Variants in PTPRT observed in about 807,000 individuals in gnomAD.
PTPRT encodes protein tyrosine phosphatase receptor type T, also known as receptor-type tyrosine-protein phosphatase T.
A neutral mutation model predicts 176.8 loss-of-function variants in PTPRT; 56 were observed. The ratio of observed to expected loss-of-function variants is 0.32; its 90% CI spans 0.26 to 0.40. The LOEUF (loss-of-function observed/expected upper bound fraction) is 0.40. PTPRT is among the 10% of genes least tolerant of loss of function. The pLI, the probability that PTPRT is intolerant of heterozygous loss-of-function variation, is 1.00. For synonymous variants in PTPRT, 783 were observed against 739.0 expected (o/e 1.06, Z -0.96); for missense variants, 1,540 against 1,908.2 (o/e 0.81, Z 3.60).
chr20:42,822,787 GA>G (rs1400060451), intron 2 of PTPRT, among the ~76,000 whole-genome samples: 1 of 151,986 alleles, frequency 6.6e-6, no homozygotes, highest in Non-Finnish European at 1.5e-5. Context: ...CAACAAACAT[GA>G]AAAAAAGCTC....
chr20:42,814,617 A>G (rs1207072953), intron 2 of PTPRT, among the ~76,000 whole-genome samples: 2 of 152,220 alleles, frequency 1.3e-5, no homozygotes, highest in Non-Finnish European at 2.9e-5. Flanking sequence ...AGCACATTCC[A>G]TTTATTTTAT....
chr20:42,280,205 T>A (rs577292451), intron 13 of PTPRT, among the ~76,000 whole-genome samples: 2 of 152,272 alleles, frequency 1.3e-5, no homozygotes, highest in Admixed American at 1.3e-4. Context: ...GACGGATTTA[T>A]AATAGATAGG....
chr20:42,403,729 T>A (rs1421253713), intron 9 of PTPRT, among the ~76,000 whole-genome samples: 2 of 152,160 alleles, frequency 1.3e-5, no homozygotes. Flanking sequence ...TGTGGGTCTC[T>A]GCTTTCTCAC....
At chr20:42,186,430 C>A (rs1001670767) in intron 16 of PTPRT, among the ~76,000 whole-genome samples, 4 of 151,606 alleles carry the variant, frequency 2.6e-5, no homozygotes, top group Non-Finnish European at 5.9e-5. Flanking sequence ...ACCACAGGAC[C>A]TTTGACCATG....
intron 1 of PTPRT, among the ~76,000 whole-genome samples, chr20:43,038,345 A>G (rs956511296): frequency 6.6e-6 from 1 of 152,258 alleles, no homozygotes; most frequent in Non-Finnish European, 1.5e-5. Flanking sequence ...TAATTACAAC[A>G]ATGGTTTAAT....
intron 29 of PTPRT, 76 bp downstream of exon 29, chr20:42,084,606 T>C: frequency 1.6e-6 from 2 of 1,272,080 alleles, no homozygotes; most frequent in Non-Finnish European, 2.0e-6. Context: ...GACTGGGGTA[T>C]GTGGCCAGCA....
chr20:42,767,876 T>C (rs59241194), intron 5 of PTPRT, among the ~76,000 whole-genome samples: 1 of 146,408 alleles, frequency 6.8e-6, no homozygotes, highest in Admixed American at 6.9e-5. Context: ...GTATAACATA[T>C]AATTATACAT....
chr20:42,915,814 G>A (rs370964407), intron 1 of PTPRT, among the ~76,000 whole-genome samples: 1 of 151,482 alleles, frequency 6.6e-6, no homozygotes, highest in East Asian at 1.9e-4. Context: ...GCCCAGGCTG[G>A]TCTTGAGCTC....
At chr20:42,736,873 A>T (rs1197289502) in intron 6 of PTPRT, among the ~76,000 whole-genome samples, 1 of 152,058 alleles carries the variant, frequency 6.6e-6, no homozygotes, top group African/African-American at 2.4e-5. Context: ...ACCTCATCAC[A>T]CTCTTGTCTG....
intron 1 of PTPRT, among the ~76,000 whole-genome samples, chr20:43,159,045 C>T (rs1334864108): frequency 6.6e-6 from 1 of 151,802 alleles, no homozygotes; most frequent in East Asian, 1.9e-4. Context: ...GAAGGTAATC[C>T]TAGGGGGCAC....
chr20:42,931,014 C>T (rs1438700098), intron 1 of PTPRT, among the ~76,000 whole-genome samples: 1 of 152,162 alleles, frequency 6.6e-6, no homozygotes, highest in African/African-American at 2.4e-5. Context: ...CCCTCAACCC[C>T]CTCCCCATCT....
rs1458214888 is a variant in PTPRT at position 42,516,456 on chromosome 20, C to T, written c.1154-43894G>A. ...TTTTCCCCCTTGTTTTTGTGAGATA[C>T]ATCATGTTGAATATGGCTACAGCTT... On this transcript the variant is annotated intron_variant, in intron 7 of 30. Transcript: ENST00000373187. Among the ~76,000 whole-genome samples the T allele has an allele frequency of 2.0e-5, 3 of 152,068 alleles. No homozygotes were observed. The East Asian group carries it at 5.8e-4, about 29-fold the overall frequency.
chr20:42,599,541 C>T (rs902944301), intron 7 of PTPRT, among the ~76,000 whole-genome samples: 1 of 152,178 alleles, frequency 6.6e-6, no homozygotes. Flanking sequence ...ACTGCATAGG[C>T]TAAGGAGCTC....
chr20:42,398,605 T>C (rs963884938), intron 9 of PTPRT, among the ~76,000 whole-genome samples: 1 of 152,172 alleles, frequency 6.6e-6, no homozygotes, highest in Non-Finnish European at 1.5e-5. Flanking sequence ...GAACAAAATC[T>C]CTTTGTATAT....
chr20:42,692,048 G>C (rs1211926234), intron 6 of PTPRT, among the ~76,000 whole-genome samples: 1 of 152,222 alleles, frequency 6.6e-6, no homozygotes, highest in African/African-American at 2.4e-5. Flanking sequence ...TAGAAAGCAA[G>C]TCTTTAGCTA....
At chr20:42,900,150 G>A (rs2079377217) in intron 1 of PTPRT, among the ~76,000 whole-genome samples, 1 of 152,040 alleles carries the variant, frequency 6.6e-6, no homozygotes, top group South Asian at 2.1e-4. Flanking sequence ...TCAAAGTGGG[G>A]GTGAGGTCAC....
At chr20:42,780,352 T>C in intron 3 of PTPRT, 53 bp from the exon 4 acceptor site, 1 of 1,435,486 alleles carries the variant, frequency 7.0e-7, no homozygotes, top group South Asian at 1.1e-5. Context: ...CAGGCATTCA[T>C]CACAAGAAGC....
chr20:42,330,992 C>G (rs1475664842), intron 11 of PTPRT, among the ~76,000 whole-genome samples: 1 of 152,186 alleles, frequency 6.6e-6, no homozygotes, highest in Admixed American at 6.5e-5. Flanking sequence ...TAATGTGAAA[C>G]AGAACACATT....
chr20:42,134,297 T>C (rs1331131770), intron 18 of PTPRT, among the ~76,000 whole-genome samples: 1 of 152,230 alleles, frequency 6.6e-6, no homozygotes, highest in East Asian at 1.9e-4. Flanking sequence ...ATCTACATTT[T>C]GCAAGCTTGA....
Sources: allele counts gnomAD v4.1 joint callset (sites outside exome capture counted in the v4.1 genomes callset), GRCh38; gene constraint gnomAD v4.1.1; transcripts MANE v1.5; gene names NCBI Gene and HGNC (gene_info 2026-07-23, HGNC 2026-07-21).